Variants in RORA observed in about 807,000 individuals in gnomAD.
RORA encodes RAR related orphan receptor A.
RORA carries 7 observed loss-of-function variants against 69.5 expected under a neutral mutation model. That is an observed-to-expected ratio of 0.10 (90% CI 0.06 to 0.19). The LOEUF (loss-of-function observed/expected upper bound fraction) is 0.19. Ranked by LOEUF, RORA falls within the 10% of genes least tolerant of loss-of-function variation. RORA has a pLI of 1.00. For missense variants in RORA, 457 were observed against 663.0 expected (o/e 0.69, Z 3.41); for synonymous variants, 261 against 240.8 (o/e 1.08, Z -0.78).
chr15:60,910,956 T>C (rs1595810589), intron 1 of RORA, among the ~76,000 whole-genome samples: 2 of 146,846 alleles, frequency 1.4e-5, no homozygotes, highest in African/African-American at 5.0e-5. Context: ...CAAGCTAGAG[T>C]GCAATGGCGC....
intron 1 of RORA, among the ~76,000 whole-genome samples, chr15:61,044,657 ACT>A (rs1285706411): frequency 1.3e-5 from 2 of 152,192 alleles, no homozygotes; most frequent in African/African-American, 4.8e-5. Flanking sequence ...AATATTTAAC[ACT>A]GTGTCTGTGC....
chr15:60,782,361 T>A (rs2072276385), intron 1 of RORA, among the ~76,000 whole-genome samples: 1 of 152,214 alleles, frequency 6.6e-6, no homozygotes, highest in Admixed American at 6.5e-5. Flanking sequence ...TCTTTTGCTT[T>A]GAAAGTGTTA....
At chr15:61,208,118 G>A (rs1365322206) in intron 1 of RORA, among the ~76,000 whole-genome samples, 1 of 152,202 alleles carries the variant, frequency 6.6e-6, no homozygotes, top group Non-Finnish European at 1.5e-5. Flanking sequence ...GCAAGAGGAG[G>A]GGAAGCGCTC....
chr15:60,561,858 G>T (rs2067570392), intron 2 of RORA, among the ~76,000 whole-genome samples: 1 of 151,984 alleles, frequency 6.6e-6, no homozygotes, highest in South Asian at 2.1e-4. Context: ...TTTTGTTCCT[G>T]ACTAGATGCT....
chr15:60,625,797 A>G (rs1254223502), intron 2 of RORA, among the ~76,000 whole-genome samples: 2 of 152,204 alleles, frequency 1.3e-5, no homozygotes, highest in African/African-American at 2.4e-5. Flanking sequence ...CTGCATAAGA[A>G]ATTGGTAACT....
Position 60,930,349 on chromosome 15 carries a change from T to C in RORA, c.167-251663A>G, listed in dbSNP as rs114767276. 3.5e-3 allele frequency among the ~76,000 whole-genome samples: 536 copies of C among 152,290 alleles called. 3 individuals carry two copies. The highest frequency in any genetic ancestry group is 0.012 in the African/African-American group (512 of 41,548). Reference sequence around the variant, plus strand: ...GGAGGAGCATATCCTCCCACCTCCATTCTCAAGGTCTATATAAGCCGAGAG... The same window carrying C: ...GGAGGAGCATATCCTCCCACCTCCACTCTCAAGGTCTATATAAGCCGAGAG... On this transcript the variant is annotated intron_variant, in intron 1 of 10. Transcript: ENST00000335670.
At chr15:60,569,578 G>C (rs181427219) in intron 2 of RORA, among the ~76,000 whole-genome samples, 2 of 152,308 alleles carry the variant, frequency 1.3e-5, no homozygotes, top group East Asian at 3.9e-4. Flanking sequence ...AAGGGTGGTG[G>C]TTAAAAGGGG....
At chr15:60,598,380 T>A (rs1182909423) in intron 2 of RORA, 1 of 152,214 alleles carries the variant, frequency 6.6e-6, no homozygotes, top group Admixed American at 6.5e-5. Flanking sequence ...TAGGTTCACT[T>A]ATGTGAGAAT....
At chr15:60,956,805 A>T (rs184401489) in intron 1 of RORA, among the ~76,000 whole-genome samples, 4 of 152,308 alleles carry the variant, frequency 2.6e-5, no homozygotes, top group Admixed American at 2.6e-4. Flanking sequence ...CCTTTCAATT[A>T]TCAGTACATA....
intron 1 of RORA, among the ~76,000 whole-genome samples, chr15:60,827,243 G>A (rs1034711785): frequency 6.6e-6 from 1 of 152,142 alleles, no homozygotes; most frequent in African/African-American, 2.4e-5. Context: ...AGAAGGCTCT[G>A]CTAAAATACA....
intron 1 of RORA, among the ~76,000 whole-genome samples, chr15:60,860,144 A>G (rs888874914): frequency 6.6e-6 from 1 of 152,164 alleles, no homozygotes; most frequent in African/African-American, 2.4e-5. Context: ...TTCTGACTCA[A>G]TGGTCCGGAT....
chr15:60,839,708 G>C (rs1049380517), intron 1 of RORA, among the ~76,000 whole-genome samples: 6 of 152,228 alleles, frequency 3.9e-5, no homozygotes, highest in African/African-American at 1.4e-4. Flanking sequence ...AGAGCACAGT[G>C]TACAGCCTAC....
chr15:60,538,999 G>GCACACACACA (rs57764714), intron 2 of RORA, among the ~76,000 whole-genome samples: 4,777 of 150,014 alleles, frequency 0.032, 125 homozygotes, highest in East Asian at 0.11. Flanking sequence ...CCTGCCAAAT[G>GCACACACACA]CACACACACA....
intron 1 of RORA, among the ~76,000 whole-genome samples, chr15:61,059,826 T>A (rs567861405): frequency 3.9e-5 from 6 of 151,902 alleles, no homozygotes; most frequent in Non-Finnish European, 8.8e-5. Context: ...AAAAAGGGAT[T>A]TGGTTACTTT....
chr15:61,051,452 G>A (rs1897285839), intron 1 of RORA, among the ~76,000 whole-genome samples: 1 of 152,196 alleles, frequency 6.6e-6, no homozygotes, highest in African/African-American at 2.4e-5. Context: ...GTGTGCAGGT[G>A]TTTGCGGCAT....
At chr15:61,019,281 G>C (rs1402265082) in intron 1 of RORA, among the ~76,000 whole-genome samples, 1 of 152,146 alleles carries the variant, frequency 6.6e-6, no homozygotes. Context: ...TTGTTCTCAG[G>C]AACTGCTTCC....
intron 2 of RORA, among the ~76,000 whole-genome samples, chr15:60,591,836 C>G (rs1002589288): frequency 6.6e-6 from 1 of 151,962 alleles, no homozygotes; most frequent in Non-Finnish European, 1.5e-5. Flanking sequence ...GCGGCACTTG[C>G]CCGGCCGGCG....
intron 2 of RORA, among the ~76,000 whole-genome samples, chr15:60,573,316 T>C (rs1277202563): frequency 6.6e-6 from 1 of 152,190 alleles, no homozygotes; most frequent in Non-Finnish European, 1.5e-5. Context: ...CAGAAATCCA[T>C]TGAAGACTCG....
At chr15:60,972,308 G>A (rs1229727639) in intron 1 of RORA, among the ~76,000 whole-genome samples, 1 of 152,142 alleles carries the variant, frequency 6.6e-6, no homozygotes, top group African/African-American at 2.4e-5. Flanking sequence ...AAACAACAAG[G>A]ACAACAACAG....
Sources: allele counts gnomAD v4.1 joint callset (sites outside exome capture counted in the v4.1 genomes callset), GRCh38; gene constraint gnomAD v4.1.1; transcripts MANE v1.5; gene names NCBI Gene and HGNC (gene_info 2026-07-23, HGNC 2026-07-21).